BABAM2: variants seen among roughly 807,000 people sequenced by gnomAD.
BABAM2 encodes the protein BRISC and BRCA1 A complex member 2, also known as BRISC and BRCA1-A complex member 2.
BABAM2 carries 31 observed loss-of-function variants against 54.7 expected under a neutral mutation model. The ratio of observed to expected loss-of-function variants is 0.57; its 90% CI spans 0.43 to 0.77. BABAM2 has a LOEUF of 0.77. Among genes scored for constraint, BABAM2 ranks in the 30% least tolerant of loss-of-function variants. The pLI is 0.00. For synonymous variants in BABAM2, 167 were observed against 162.9 expected (o/e 1.03, Z -0.19); for missense variants, 364 against 455.8 (o/e 0.80, Z 1.83).
intron 6 of BABAM2, among the ~76,000 whole-genome samples, chr2:28,057,917 G>A (rs1173211870): frequency 6.6e-6 from 1 of 152,068 alleles, no homozygotes; most frequent in Non-Finnish European, 1.5e-5. Flanking sequence ...GCCGAGGCGG[G>A]AGGATCACAA....
chr2:28,192,910 C>T (rs1380946356), intron 7 of BABAM2, among the ~76,000 whole-genome samples: 1 of 151,966 alleles, frequency 6.6e-6, no homozygotes, highest in African/African-American at 2.4e-5. Context: ...CGGTGGCTGA[C>T]ACCTGAAATC....
intron 4 of BABAM2, among the ~76,000 whole-genome samples, chr2:28,003,096 A>G (rs1407249582): frequency 6.6e-5 from 10 of 152,210 alleles, no homozygotes; most frequent in Non-Finnish European, 2.9e-5. Context: ...ATGTAGGCAA[A>G]TACTAGAATT....
chr2:28,277,200 G>GGTTCAAGCGATTCTCCTGC (rs1685951114), intron 10 of BABAM2, among the ~76,000 whole-genome samples: 1 of 152,154 alleles, frequency 6.6e-6, no homozygotes, highest in East Asian at 1.9e-4. Flanking sequence ...CTGCCTCCTG[G>GGTTCAAGCGATTCTCCTGC]GTTCAAGCGA....
intron 7 of BABAM2, among the ~76,000 whole-genome samples, chr2:28,182,240 C>T (rs903611960): frequency 4.6e-5 from 7 of 152,082 alleles, no homozygotes; most frequent in African/African-American, 1.7e-4. Flanking sequence ...GGGAGAATAG[C>T]GTGTGCAGGG....
chr2:28,165,949 A>G (rs150032218), intron 7 of BABAM2, among the ~76,000 whole-genome samples: 2,007 of 152,260 alleles, frequency 0.013, 28 homozygotes, highest in South Asian at 0.05. Flanking sequence ...GTTTTTGGAG[A>G]TAAGGCCTTT....
intron 11 of BABAM2, among the ~76,000 whole-genome samples, chr2:28,326,202 G>A (rs962139248): frequency 2.6e-5 from 4 of 152,170 alleles, no homozygotes; most frequent in African/African-American, 9.7e-5. Context: ...ACCACCATCC[G>A]ACAGGCGGCC....
upstream of BABAM2, chr2:27,890,267 C>T (rs1365133936): frequency 1.9e-6 from 3 of 1,613,564 alleles, no homozygotes; most frequent in Admixed American, 1.7e-5. This position sits in a 1 kb window ranked among gnomAD's most constrained non-coding sequence, Gnocchi z 4.8. Context: ...CTGACCAGGT[C>T]GGTCATGCAG....
chr2:28,238,876 A>G (rs1682157231), intron 8 of BABAM2, among the ~76,000 whole-genome samples: 1 of 152,204 alleles, frequency 6.6e-6, no homozygotes, highest in African/African-American at 2.4e-5. Context: ...CCAGAAATAT[A>G]AGAATCAGTC....
At chr2:28,054,920 T>C (rs1678276025) in intron 6 of BABAM2, among the ~76,000 whole-genome samples, 1 of 152,218 alleles carries the variant, frequency 6.6e-6, no homozygotes, top group East Asian at 1.9e-4. Context: ...GAAATGGTTT[T>C]GATTTCATTA....
intron 5 of BABAM2, among the ~76,000 whole-genome samples, chr2:28,035,476 T>C (rs868113399): frequency 2.0e-5 from 3 of 152,142 alleles, no homozygotes; most frequent in African/African-American, 7.2e-5. Context: ...TATGTCCTGA[T>C]GGCATTTGAC....
At chr2:27,939,006 G>A (rs1668683626) in intron 3 of BABAM2, among the ~76,000 whole-genome samples, 1 of 152,140 alleles carries the variant, frequency 6.6e-6, no homozygotes, top group South Asian at 2.1e-4. Context: ...AGGCTGGAGT[G>A]CAATGTAGCA....
intron 10 of BABAM2, among the ~76,000 whole-genome samples, chr2:28,267,410 A>T (rs1685071811): frequency 6.6e-6 from 1 of 151,348 alleles, no homozygotes; most frequent in African/African-American, 2.4e-5. Flanking sequence ...CTGTTGCTTC[A>T]TTTACACTGA....
chr2:27,911,517 G>A (rs1358347686), intron 2 of BABAM2, among the ~76,000 whole-genome samples: 1 of 152,074 alleles, frequency 6.6e-6, no homozygotes, highest in African/African-American at 2.4e-5. Flanking sequence ...AAAGATTATA[G>A]AAAAGGAAGG....
chr2:28,257,076 G>T (rs1276747838), intron 10 of BABAM2, among the ~76,000 whole-genome samples: 1 of 152,088 alleles, frequency 6.6e-6, no homozygotes, highest in Non-Finnish European at 1.5e-5. Context: ...TTTAGCATAA[G>T]GAAAATAACA....
At chr2:28,016,409 G>A in intron 4 of BABAM2, 1 of 1,406,770 alleles carries the variant, frequency 7.1e-7, no homozygotes, top group South Asian at 1.2e-5. Context: ...TGGCCCTGAA[G>A]ACTGGATTGG....
At chr2:28,014,220 TAG>T (rs1674630198) in intron 4 of BABAM2, among the ~76,000 whole-genome samples, 1 of 152,142 alleles carries the variant, frequency 6.6e-6, no homozygotes, top group South Asian at 2.1e-4. Context: ...TGTATTAGAC[TAG>T]ATCAATTTTT....
intron 10 of BABAM2, among the ~76,000 whole-genome samples, chr2:28,268,006 A>G (rs1005935809): frequency 2.0e-5 from 3 of 152,240 alleles, no homozygotes; most frequent in African/African-American, 7.2e-5. Flanking sequence ...AACTGTATCT[A>G]TACACAATAA....
intron 7 of BABAM2, among the ~76,000 whole-genome samples, chr2:28,150,004 G>A (rs942771816): frequency 3.3e-5 from 5 of 152,026 alleles, no homozygotes; most frequent in Non-Finnish European, 7.4e-5. Context: ...CATTATATAG[G>A]GGAGACTAAC....
At position 28,250,678 on chromosome 2, in the gene BABAM2, C is replaced by T. The variant is rs1421590953; in HGVS notation, c.934+5816C>T. Among the ~76,000 whole-genome samples the T allele has an allele frequency of 2.0e-5, 3 of 151,266 alleles. No individual in the cohort carries two copies. The East Asian group carries it at 5.9e-4, about 30-fold the overall frequency. On this transcript the variant is annotated intron_variant, in intron 10 of 11. Transcript: ENST00000379624. ...GCAGTGGCACGATCTCAGCTCACAG[C>T]AACCTCCGCCTCCCAGGTTCAAGCA...
Sources: allele counts gnomAD v4.1 joint callset (sites outside exome capture counted in the v4.1 genomes callset), GRCh38; gene constraint gnomAD v4.1.1; non-coding constraint Gnocchi (gnomAD v3.1); transcripts MANE v1.5; gene names NCBI Gene and HGNC (gene_info 2026-07-23, HGNC 2026-07-21).